The following XKR4 variants were observed in gnomAD, a reference collection of about 807,000 sequenced individuals.
XKR4 encodes the protein XK-related protein 4.
Under a neutral mutation model 53.9 loss-of-function variants are expected in XKR4, and 12 were observed. The observed-to-expected ratio is 0.22, with a 90% confidence interval of 0.14 to 0.36. The LOEUF (loss-of-function observed/expected upper bound fraction) is 0.36, where lower values mean the gene tolerates loss of function less well. XKR4 is among the 10% of genes least tolerant of loss of function. The pLI is 1.00. For missense variants in XKR4, 799 were observed against 859.5 expected (o/e 0.93, Z 0.88); for synonymous variants, 354 against 362.4 (o/e 0.98, Z 0.26).
intron 1 of XKR4, among the ~76,000 whole-genome samples, chr8:55,281,006 C>T (rs1818838491): frequency 6.6e-6 from 1 of 152,164 alleles, no homozygotes; most frequent in Non-Finnish European, 1.5e-5. Context: ...ATACAACGAA[C>T]TACTTGTTCT....
At chr8:55,350,888 C>A (rs139788120) in intron 1 of XKR4, among the ~76,000 whole-genome samples, 2 of 151,712 alleles carry the variant, frequency 1.3e-5, no homozygotes, top group Non-Finnish European at 2.9e-5. Flanking sequence ...TACATGCGTG[C>A]GCCACCACAC....
At chr8:55,420,977 A>G (rs1804920526) in intron 2 of XKR4, among the ~76,000 whole-genome samples, 2 of 152,330 alleles carry the variant, frequency 1.3e-5, no homozygotes, top group Middle Eastern at 3.4e-3. Context: ...AGGCAGTGGT[A>G]AATAGGTTTC....
At chr8:55,137,140 C>T (rs1816642101) in intron 1 of XKR4, among the ~76,000 whole-genome samples, 1 of 151,978 alleles carries the variant, frequency 6.6e-6, no homozygotes, top group South Asian at 2.1e-4. Context: ...CCCAGGTCAA[C>T]TCCTGGGAAG....
At chr8:55,166,161 A>G (rs966378651) in intron 1 of XKR4, among the ~76,000 whole-genome samples, 1 of 152,230 alleles carries the variant, frequency 6.6e-6, no homozygotes, top group Non-Finnish European at 1.5e-5. Context: ...TTGTGGCCCA[A>G]TAAATATTAA....
rs1225859880 is a variant in XKR4 at position 55,530,944 on chromosome 8, G to A, written c.*6717G>A. 6.6e-6 allele frequency: 1 copy of A among 152,078 alleles called. No homozygotes were observed. The highest frequency in any genetic ancestry group is 1.5e-5 in the Non-Finnish European group (1 of 68,012). The allele number at this position is 152,078 out of a possible 1,614,324, so 9.4% of individuals were successfully genotyped here. ...GGCAATGCACAGTCAAGCACAAAAG[G>A]AAAGTTGCACTGGAATAGCTCATAG... On this transcript the variant is annotated 3_prime_UTR_variant, in exon 3 of 3. Coordinates refer to ENST00000327381, the MANE Select transcript of XKR4 (RefSeq NM_052898.2).
chr8:55,293,999 AT>A (rs1819065538), intron 1 of XKR4, among the ~76,000 whole-genome samples: 1 of 152,230 alleles, frequency 6.6e-6, no homozygotes, highest in Non-Finnish European at 1.5e-5. Flanking sequence ...ACATTAACCC[AT>A]TGAAATACTT....
chr8:55,279,270 T>C (rs1393721874), intron 1 of XKR4, among the ~76,000 whole-genome samples: 1 of 152,284 alleles, frequency 6.6e-6, no homozygotes, highest in East Asian at 1.9e-4. Context: ...TTGTGAACTG[T>C]GGGGCTCAGC....
In XKR4 at chr8:55,516,456, T is replaced by A. The variant is rs184867181; in HGVS notation, c.1007-6825T>A. Among the ~76,000 whole-genome samples, 663 of 151,628 alleles carry A rather than the reference T, an allele frequency of 4.4e-3. 8 individuals are homozygous for A. The highest frequency in any genetic ancestry group is 0.015 in the African/African-American group (614 of 40,890). On this transcript the variant is annotated intron_variant, in intron 2 of 2. Coordinates refer to ENST00000327381, the MANE Select transcript of XKR4 (RefSeq NM_052898.2). The stretch of plus-strand genomic sequence containing the variant: ...CTTAAAACTACTTGTGAGAAGATAC[T>A]TTAAATTTCCTCTAAAAAATGTTGA...
chr8:55,269,872 A>G (rs1818662234), intron 1 of XKR4, among the ~76,000 whole-genome samples: 1 of 152,198 alleles, frequency 6.6e-6, no homozygotes, highest in Non-Finnish European at 1.5e-5. Flanking sequence ...TAAATTAGTA[A>G]GCATGGAAAC....
chr8:55,328,458 C>T (rs1317630330), intron 1 of XKR4, among the ~76,000 whole-genome samples: 2 of 152,194 alleles, frequency 1.3e-5, no homozygotes, highest in Non-Finnish European at 2.9e-5. Flanking sequence ...TCACTCCCCA[C>T]ATCCTGTCCT....
At chr8:55,131,189 G>A (rs1404171196) in intron 1 of XKR4, among the ~76,000 whole-genome samples, 1 of 68,166 alleles carries the variant, frequency 1.5e-5, no homozygotes, top group Non-Finnish European at 3.6e-5. Context: ...AACAACAAAT[G>A]CAGACTCTTG....
chr8:55,271,642 C>T (rs886653150), intron 1 of XKR4, among the ~76,000 whole-genome samples: 19 of 152,340 alleles, frequency 1.2e-4, no homozygotes, highest in South Asian at 2.1e-4. Flanking sequence ...GCCCTGATGG[C>T]GGCTGATGGC....
chr8:55,243,967 A>G (rs924000771), intron 1 of XKR4, among the ~76,000 whole-genome samples: 1 of 152,264 alleles, frequency 6.6e-6, no homozygotes, highest in Non-Finnish European at 1.5e-5. Context: ...GTGCGTGTGC[A>G]TGCTCATTTA....
chr8:55,112,402 C>T (rs1450997392), intron 1 of XKR4, among the ~76,000 whole-genome samples: 1 of 151,996 alleles, frequency 6.6e-6, no homozygotes, highest in African/African-American at 2.4e-5. Context: ...TTTGACTTCC[C>T]CTCAAGTCCA....
rs1486403301 is a variant in XKR4 at position 55,357,866 on chromosome 8, A to C, written c.995A>C (p.Gln332Pro). 6.2e-7 allele frequency: 1 copy of C among 1,611,750 alleles called. No individual in the cohort carries two copies. The highest frequency in any genetic ancestry group is 1.3e-5 in the African/African-American group (1 of 75,016). ...LCIIVQTHSL[Q>P]ALQGFTAAAS... The stretch of plus-strand genomic sequence containing the variant: ...ATTATCGTACAGACTCATAGCTTAC[A>C]GGCCCTCCAAGGTAAGGGCTTGCAA... Residue 332 changes from glutamine (Q) to proline (P), a missense_variant, in exon 2 of 3, where the codon CAG becomes CCG. This residue lies in a region of XKR4 where 476 missense variants were observed against 505.4 expected (regional missense o/e 0.94). Coordinates refer to ENST00000327381, the MANE Select transcript of XKR4 (RefSeq NM_052898.2).
At chr8:55,454,224 G>T in intron 2 of XKR4, 2 of 1,109,706 alleles carry the variant, frequency 1.8e-6, no homozygotes, top group Non-Finnish European at 2.8e-6. Context: ...ACACACTCAG[G>T]GATGGTCACC....
At chr8:55,351,513 C>T (rs1803721914) in intron 1 of XKR4, among the ~76,000 whole-genome samples, 2 of 152,100 alleles carry the variant, frequency 1.3e-5, no homozygotes, top group Admixed American at 1.3e-4. Flanking sequence ...AGCCTTCTCC[C>T]AGAAAAAAAC....
rs182035029 is a variant in XKR4 at position 55,438,448 on chromosome 8, G to A, written c.1006+80571G>A. ...TAAAAAAAAATACAAAAATGAGCCGGGCGTGGTGGTGAGCACCTGTAATCC... is the reference window on the plus strand; with the variant it reads ...TAAAAAAAAATACAAAAATGAGCCGAGCGTGGTGGTGAGCACCTGTAATCC... On this transcript the variant is annotated intron_variant, in intron 2 of 2. Coordinates refer to ENST00000327381, the MANE Select transcript of XKR4 (RefSeq NM_052898.2). 5.9e-5 allele frequency among the ~76,000 whole-genome samples: 9 copies of A among 152,010 alleles called. No individual in the cohort carries two copies. The East Asian group carries it at 1.6e-3, about 26-fold the overall frequency.
At chr8:55,426,883 T>C (rs980045671) in intron 2 of XKR4, among the ~76,000 whole-genome samples, 2 of 152,216 alleles carry the variant, frequency 1.3e-5, no homozygotes, top group Non-Finnish European at 2.9e-5. Flanking sequence ...ATCAGAGAGA[T>C]AAAATTGATT....
Sources: gnomAD v4.1 joint callset for allele counts (sites outside exome capture counted in the v4.1 genomes callset) on GRCh38, gnomAD v4.1.1 for gene constraint, gnomAD v4.1.1 regional missense constraint, MANE v1.5 for transcripts, NCBI Gene and HGNC (gene_info 2026-07-23, HGNC 2026-07-21) for gene names.